RBFOX3: variants seen among roughly 807,000 people sequenced by gnomAD.
RBFOX3 encodes RNA binding fox-1 homolog 3.
In RBFOX3, 17 loss-of-function variants were observed where a neutral mutation model predicts 48.7. The observed-to-expected ratio is 0.35, with a 90% CI of 0.24 to 0.52. The LOEUF is 0.52. Ranked by LOEUF, RBFOX3 falls within the 20% of genes least tolerant of loss-of-function variation. RBFOX3 has a pLI of 0.94. For missense variants in RBFOX3, 382 were observed against 497.5 expected, an observed-to-expected ratio of 0.77 and a Z score of 2.21; for synonymous variants, 212 against 209.5, an observed-to-expected ratio of 1.01 and a Z score of -0.10.
the RBFOX3 span, among the ~76,000 whole-genome samples, chr17:79,635,059 C>CAAAAA: frequency 1.9e-5 from 1 of 53,494 alleles, no homozygotes; most frequent in African/African-American, 5.4e-5. Flanking sequence ...GACTCCATCT[C>CAAAAA]AAAAAAAAAA....
In RBFOX3 at chr17:79,097,430, G is replaced by A. The variant is rs1424681393; in HGVS notation, c.623-6C>T. The A allele has an allele frequency of 2.6e-6, 4 of 1,542,162 alleles. No homozygotes were observed. Among genetic ancestry groups the A allele is most frequent in the East Asian group, 4.9e-5 (2 of 40,728 alleles). On this transcript the variant is annotated splice_polypyrimidine_tract_variant and splice_region_variant and intron_variant, in intron 10 of 14. Transcript: ENST00000693108. ...GGGGTAGGGGAACCCCGTCACTGCA[G>A]GAAACGGGGCCCGAGACACGTGTGA...
chr17:79,351,001 C>T (rs150433429), intron 2 of RBFOX3, among the ~76,000 whole-genome samples: 7 of 152,284 alleles, frequency 4.6e-5, no homozygotes, highest in African/African-American at 1.2e-4. Context: ...ACCTTATGCA[C>T]GATGAATGGT....
chr17:79,437,561 A>C (rs2069795936), intron 2 of RBFOX3, among the ~76,000 whole-genome samples: 1 of 152,164 alleles, frequency 6.6e-6, no homozygotes, highest in Non-Finnish European at 1.5e-5. Context: ...CCCCCAGGCC[A>C]CCAGGAGCAG....
chr17:79,161,497 C>G (rs2046975337), intron 4 of RBFOX3, among the ~76,000 whole-genome samples: 1 of 152,234 alleles, frequency 6.6e-6, no homozygotes, highest in Non-Finnish European at 1.5e-5. Context: ...ACTTAACCCC[C>G]TCGGGGGTGT....
chr17:79,602,664 GT>G (rs1191293240), intron 1 of RBFOX3, among the ~76,000 whole-genome samples: 24 of 150,168 alleles, frequency 1.6e-4, no homozygotes, highest in African/African-American at 3.7e-4. Flanking sequence ...CACACACTTT[GT>G]TTTTTTTTTC....
At chr17:79,297,622 A>G (rs2074609835) in intron 3 of RBFOX3, among the ~76,000 whole-genome samples, 1 of 152,266 alleles carries the variant, frequency 6.6e-6, no homozygotes, top group Non-Finnish European at 1.5e-5. Context: ...GCCATAGGCC[A>G]GGGCACAGTG....
chr17:79,312,883 A>G (rs1362193674), intron 2 of RBFOX3, among the ~76,000 whole-genome samples: 2 of 152,186 alleles, frequency 1.3e-5, no homozygotes, highest in African/African-American at 4.8e-5. Context: ...TGGGAGAGAA[A>G]GGACAGGCAG....
intron 4 of RBFOX3, among the ~76,000 whole-genome samples, chr17:79,207,602 G>C (rs1423470628): frequency 6.6e-6 from 1 of 152,250 alleles, no homozygotes; most frequent in African/African-American, 2.4e-5. Flanking sequence ...AAGGGATCTG[G>C]GATTTCTTGG....
At chr17:79,248,116 G>A (rs1168916503) in intron 3 of RBFOX3, among the ~76,000 whole-genome samples, 4 of 152,212 alleles carry the variant, frequency 2.6e-5, no homozygotes, top group African/African-American at 7.2e-5. Flanking sequence ...GCGAAGGGGC[G>A]GGGCTCTCCT....
intron 2 of RBFOX3, among the ~76,000 whole-genome samples, chr17:79,373,711 A>AC (rs1180479681): frequency 1.3e-5 from 2 of 150,534 alleles, no homozygotes; most frequent in Admixed American, 1.3e-4. Context: ...CTCCCCCTCA[A>AC]CCCCCGAGCA....
chr17:79,495,489 T>G (rs1598935249), intron 1 of RBFOX3, among the ~76,000 whole-genome samples: 1 of 29,108 alleles, frequency 3.4e-5, no homozygotes, highest in Non-Finnish European at 6.4e-5. Flanking sequence ...GGCAAGAAGG[T>G]GGGGGAGGGG....
intron 2 of RBFOX3, among the ~76,000 whole-genome samples, chr17:79,411,116 C>T (rs750122862): frequency 5.3e-5 from 8 of 152,176 alleles, no homozygotes; most frequent in East Asian, 1.9e-4. Flanking sequence ...ACATTTTTTT[C>T]GTGCCCCGGC....
At chr17:79,412,754 T>A (rs2064653494) in intron 2 of RBFOX3, among the ~76,000 whole-genome samples, 1 of 151,936 alleles carries the variant, frequency 6.6e-6, no homozygotes, top group Admixed American at 6.6e-5. Flanking sequence ...GTGGTGTGTA[T>A]CCACGTGTTG....
Position 79,521,535 on chromosome 17 carries a change from GAC to G in RBFOX3, c.-319-38939_-319-38938del, listed in dbSNP as rs1293288008. On this transcript the variant is annotated intron_variant, in intron 1 of 14. Coordinates refer to ENST00000693108, the MANE Select transcript of RBFOX3 (RefSeq NM_001350451.2). ...ACAGACACATACGGATACATTGACA[GAC>G]ACACATTCACACACACACTCATGCA... Among the ~76,000 whole-genome samples, 48 of 151,516 alleles carry G rather than the reference GAC, an allele frequency of 3.2e-4. No individual in the cohort carries two copies. The South Asian group carries it at 7.9e-3, about 25-fold the overall frequency.
chr17:79,154,499 G>A (rs560723426), intron 4 of RBFOX3, among the ~76,000 whole-genome samples: 6 of 152,368 alleles, frequency 3.9e-5, no homozygotes, highest in Admixed American at 2.0e-4. Flanking sequence ...AGTGGGGAAG[G>A]GTGGATGGAG....
chr17:79,392,318 C>A lies in RBFOX3; in HGVS notation c.-174-84494G>T, dbSNP rs73425326. 0.017 allele frequency among the ~76,000 whole-genome samples: 2,548 copies of A among 152,342 alleles called. 64 individuals are homozygous for A. The highest frequency in any genetic ancestry group is 0.056 in the African/African-American group (2,332 of 41,566). On this transcript the variant is annotated intron_variant, in intron 2 of 14. Transcript: ENST00000693108. The surrounding 1 kb of genome is among the most constrained non-coding windows in gnomAD (Gnocchi z 5.0). ...CAGCCAGTTGGCCCTGAATTCCAGC[C>A]CTGCCACTTACTAGCTGTGTGATCC...
chr17:79,596,290 G>T (rs2093567809), intron 1 of RBFOX3, among the ~76,000 whole-genome samples: 1 of 152,216 alleles, frequency 6.6e-6, no homozygotes, highest in Non-Finnish European at 1.5e-5. Context: ...CAGAACCAGG[G>T]CCCATTTCCT....
chr17:79,228,753 G>A (rs1040752942), intron 4 of RBFOX3, among the ~76,000 whole-genome samples: 1 of 152,124 alleles, frequency 6.6e-6, no homozygotes, highest in Non-Finnish European at 1.5e-5. Flanking sequence ...CAACATTCTG[G>A]GGCATTGCTC....
chr17:79,587,314 C>CCTT (rs2093281217), intron 1 of RBFOX3, among the ~76,000 whole-genome samples: 1 of 152,190 alleles, frequency 6.6e-6, no homozygotes, highest in African/African-American at 2.4e-5. Flanking sequence ...CAGTGGTGCC[C>CCTT]ACATTGCACA....
Sources: allele counts gnomAD v4.1 joint callset (sites outside exome capture counted in the v4.1 genomes callset), GRCh38; gene constraint gnomAD v4.1.1; non-coding constraint Gnocchi (gnomAD v3.1); transcripts MANE v1.5; gene names NCBI Gene and HGNC (gene_info 2026-07-23, HGNC 2026-07-21).